Variants in SYN3 observed in about 807,000 individuals in gnomAD.
SYN3 encodes the protein synapsin III.
In SYN3, 35 loss-of-function variants were observed where a neutral mutation model predicts 65.8. That is an observed-to-expected ratio of 0.53 (90% CI 0.41 to 0.70). The LOEUF is 0.70. SYN3 is among the 30% of genes least tolerant of loss of function. The pLI, the probability that SYN3 is intolerant of heterozygous loss-of-function variation, is 0.00. For missense variants in SYN3, 680 were observed against 749.0 expected, an observed-to-expected ratio of 0.91 and a Z score of 1.08; for synonymous variants, 270 against 292.9, an observed-to-expected ratio of 0.92 and a Z score of 0.80.
intron 2 of SYN3, among the ~76,000 whole-genome samples, chr22:32,989,673 A>T (rs186457653): frequency 6.6e-6 from 1 of 150,922 alleles, no homozygotes; most frequent in Non-Finnish European, 1.5e-5. Flanking sequence ...CGTGTCTACC[A>T]AAAATACAAA....
In SYN3 at chr22:32,998,776, TAAAAAA is replaced by T. The variant is rs34372968; in HGVS notation, c.311+7570_311+7575del. ...ATTCTGGTACATTCTATAGAAATAG[TAAAAAA>T]AAAAAAAAAAAAAAAAACAAAAGTC... is the stretch of plus-strand genomic sequence containing the variant. On this transcript the variant is annotated intron_variant, in intron 2 of 13. Transcript: ENST00000358763. Among the ~76,000 whole-genome samples the T allele has an allele frequency of 9.5e-3, 783 of 82,014 alleles. 5 individuals are homozygous for T. Among genetic ancestry groups the T allele is most frequent in the South Asian group, 0.053 (117 of 2,208 alleles). The allele number at this position is 82,014 out of a possible 152,430, so 53.8% of individuals were successfully genotyped here. A position where few individuals can be genotyped will look rare whatever the true frequency, so the allele number is the denominator to read the frequency against.
chr22:32,551,832 G>A (rs1298210548), intron 7 of SYN3, among the ~76,000 whole-genome samples: 1 of 152,360 alleles, frequency 6.6e-6, no homozygotes, highest in East Asian at 1.9e-4. Flanking sequence ...ACAGAGACAG[G>A]AAGCAGAGGA....
chr22:32,602,882 A>T lies in SYN3; in HGVS notation c.712-6146T>A, dbSNP rs113242354. 7.5e-4 allele frequency among the ~76,000 whole-genome samples: 114 copies of T among 152,228 alleles called. 1 individual carries two copies. Among genetic ancestry groups the T allele is most frequent in the African/African-American group, 2.6e-3 (108 of 41,550 alleles). ...TACTATAAACGAGACTTCATTAAAC[A>T]TCTTTGTACACATGTCCTTATGAGC... On this transcript the variant is annotated intron_variant, in intron 6 of 13. Transcript: ENST00000358763.
intron 6 of SYN3, among the ~76,000 whole-genome samples, chr22:32,613,280 C>T (rs1369420579): frequency 6.6e-6 from 1 of 151,838 alleles, no homozygotes; most frequent in East Asian, 1.9e-4. Context: ...TAATATAATA[C>T]AGTAAATAAA....
chr22:32,642,110 G>A (rs1181844407), intron 6 of SYN3, among the ~76,000 whole-genome samples: 1 of 151,766 alleles, frequency 6.6e-6, no homozygotes, highest in Non-Finnish European at 1.5e-5. Flanking sequence ...GTCAATGTGG[G>A]GAAACCCTGT....
At chr22:32,845,084 G>T (rs1047486329) in intron 6 of SYN3, among the ~76,000 whole-genome samples, 1 of 152,054 alleles carries the variant, frequency 6.6e-6, no homozygotes, top group Non-Finnish European at 1.5e-5. Context: ...CTCTTCCTAA[G>T]AGCAAAAGAA....
chr22:32,788,905 G>C (rs2046256632), intron 6 of SYN3, among the ~76,000 whole-genome samples: 1 of 152,168 alleles, frequency 6.6e-6, no homozygotes. Context: ...CCTGGGGAAA[G>C]GGGAGAGGAG....
Position 32,651,504 on chromosome 22 carries a change from C to T in SYN3, c.712-54768G>A, listed in dbSNP as rs552668520. Among the ~76,000 whole-genome samples the T allele has an allele frequency of 6.6e-5, 10 of 152,232 alleles. No individual in the cohort carries two copies. In the South Asian group the frequency reaches 8.3e-4, roughly 13 times the overall value. On this transcript the variant is annotated intron_variant, in intron 6 of 13. Transcript: ENST00000358763. Reference sequence around the variant, plus strand: ...CTGGAGCACACAGGTGGGGCATGATCGCTCCTCTGGCTCCCCCAGGGCCAG... The same window carrying T: ...CTGGAGCACACAGGTGGGGCATGATTGCTCCTCTGGCTCCCCCAGGGCCAG...
intron 4 of SYN3, among the ~76,000 whole-genome samples, chr22:32,925,075 G>C (rs2050433356): frequency 6.6e-6 from 1 of 152,086 alleles, no homozygotes; most frequent in Non-Finnish European, 1.5e-5. Context: ...CTGGGTGACA[G>C]AGAGAGACCC....
intron 3 of SYN3, among the ~76,000 whole-genome samples, chr22:32,946,373 T>C (rs990539535): frequency 5.9e-5 from 9 of 152,170 alleles, no homozygotes; most frequent in African/African-American, 2.2e-4. Context: ...TAAAAAAGGA[T>C]GAGTTCGTGT....
rs1333458593 is a variant in SYN3, at chr22:32,931,522, C to T, written c.370-41G>A. The T allele has an allele frequency of 3.5e-6, 5 of 1,409,146 alleles. 1 individual carries two copies. In the Admixed American group the frequency reaches 5.0e-5, roughly 14 times the overall value. 87.3% of individuals were successfully genotyped at this position (1,409,146 alleles called of 1,614,324 possible). A position where few individuals can be genotyped will look rare whatever the true frequency, so the allele number is the denominator to read the frequency against. ...AAGCAAAAAAGGATTCATCAAATACCAACGGTGGTAACAACGGTTAACACA... is the reference window on the plus strand; with the variant it reads ...AAGCAAAAAAGGATTCATCAAATACTAACGGTGGTAACAACGGTTAACACA... On this transcript the variant is annotated intron_variant, in intron 3 of 13. Coordinates refer to ENST00000358763, the MANE Select transcript of SYN3 (RefSeq NM_003490.4).
At chr22:32,740,960 T>G (rs577039472) in intron 6 of SYN3, among the ~76,000 whole-genome samples, 2 of 152,140 alleles carry the variant, frequency 1.3e-5, no homozygotes. Flanking sequence ...CCGTGGGGGC[T>G]GCAGGCAATG....
intron 6 of SYN3, among the ~76,000 whole-genome samples, chr22:32,695,523 C>T (rs2060723859): frequency 6.6e-6 from 1 of 152,156 alleles, no homozygotes; most frequent in Non-Finnish European, 1.5e-5. Context: ...ACACATTTCC[C>T]CCAGGTTTTG....
chr22:32,965,021 G>A (rs2051783732), intron 3 of SYN3, among the ~76,000 whole-genome samples: 2 of 152,214 alleles, frequency 1.3e-5, no homozygotes, highest in Non-Finnish European at 2.9e-5. Context: ...GGTCAATGCA[G>A]GGGTCAGTGG....
chr22:32,564,957 A>C lies in SYN3; in HGVS notation c.775-23244T>G, dbSNP rs1043235849. 4.5e-4 allele frequency among the ~76,000 whole-genome samples: 43 copies of C among 94,846 alleles called. 1 individual carries two copies. The highest frequency in any genetic ancestry group is 1.5e-3 in the African/African-American group (42 of 28,104). The allele number at this position is 94,846 out of a possible 152,430, so 62.2% of individuals were successfully genotyped here. On this transcript the variant is annotated intron_variant, in intron 7 of 13. Transcript: ENST00000358763. ...GATTGTACCCAAACAGTGCTCCTGG[A>C]CTGCACCCAAACAGTGCTCCTGGAC...
At chr22:32,659,882 G>T (rs2060193265) in intron 6 of SYN3, among the ~76,000 whole-genome samples, 1 of 152,298 alleles carries the variant, frequency 6.6e-6, no homozygotes, top group Non-Finnish European at 1.5e-5. Flanking sequence ...CATCTGAGAG[G>T]AAGGAGGCTG....
chr22:32,572,275 C>CT (rs2058772293), intron 7 of SYN3, among the ~76,000 whole-genome samples: 2 of 39,202 alleles, frequency 5.1e-5, no homozygotes, highest in African/African-American at 9.4e-5. Flanking sequence ...TCCTTCCCCC[C>CT]TCCCTCCCTC....
chr22:32,988,933 G>A (rs2052614748), intron 2 of SYN3, among the ~76,000 whole-genome samples: 1 of 152,178 alleles, frequency 6.6e-6, no homozygotes, highest in Admixed American at 6.5e-5. Flanking sequence ...TCTGGCACCT[G>A]CTGCCTGATT....
At chr22:32,953,790 T>G (rs1346962349) in intron 3 of SYN3, among the ~76,000 whole-genome samples, 1 of 152,192 alleles carries the variant, frequency 6.6e-6, no homozygotes, top group East Asian at 1.9e-4. Context: ...TCCACTATTG[T>G]CAAGGAAGAT....
Sources: allele counts gnomAD v4.1 joint callset (sites outside exome capture counted in the v4.1 genomes callset), GRCh38; gene constraint gnomAD v4.1.1; transcripts MANE v1.5; gene names NCBI Gene and HGNC (gene_info 2026-07-23, HGNC 2026-07-21).